The following RUNX1 variants were observed in gnomAD, a reference collection of about 807,000 sequenced individuals.
RUNX1 encodes the protein RUNX family transcription factor 1.
Under a neutral mutation model 42.8 loss-of-function variants are expected in RUNX1, and 19 were observed. The observed-to-expected ratio is 0.44, with a 90% CI of 0.31 to 0.65. The LOEUF is 0.65. Ranked by LOEUF, RUNX1 falls within the 30% of genes least tolerant of loss-of-function variation. The probability of loss-of-function intolerance (pLI) is 0.07; values close to 1 mark genes in which losing one functional copy is unlikely to be tolerated. For synonymous variants in RUNX1, 271 were observed against 289.4 expected (o/e 0.94, Z 0.64); for missense variants, 528 against 672.0 (o/e 0.79, Z 2.37).
chr21:35,028,340 A>AG (rs2059251151), intron 2 of RUNX1, among the ~76,000 whole-genome samples: 1 of 152,208 alleles, frequency 6.6e-6, no homozygotes, highest in Admixed American at 6.5e-5. Context: ...CCTGGTCTGC[A>AG]GGTTTAAGTT....
intron 2 of RUNX1, among the ~76,000 whole-genome samples, chr21:34,952,768 C>T (rs2058618067): frequency 6.6e-6 from 1 of 152,158 alleles, no homozygotes; most frequent in Admixed American, 6.5e-5. Flanking sequence ...GTCATAATTA[C>T]TGTTTGCTGG....
At chr21:34,797,692 C>G (rs562757019) in intron 8 of RUNX1, among the ~76,000 whole-genome samples, 1 of 152,332 alleles carries the variant, frequency 6.6e-6, no homozygotes, top group Admixed American at 6.5e-5. Context: ...GTGCTACTCT[C>G]AATGCCTTGG....
At chr21:34,967,093 A>G (rs1186005605) in intron 2 of RUNX1, among the ~76,000 whole-genome samples, 1 of 151,840 alleles carries the variant, frequency 6.6e-6, no homozygotes, top group Non-Finnish European at 1.5e-5. Context: ...GGCCAAGGCG[A>G]GTGGATCATG....
At chr21:34,888,887 C>G (rs1306577681) in intron 3 of RUNX1, among the ~76,000 whole-genome samples, 4 of 151,736 alleles carry the variant, frequency 2.6e-5, no homozygotes, top group Non-Finnish European at 4.4e-5. Flanking sequence ...CTACTGTACG[C>G]AGCCCGGGCG....
chr21:34,981,861 T>G (rs1197070775), intron 2 of RUNX1, among the ~76,000 whole-genome samples: 1 of 152,186 alleles, frequency 6.6e-6, no homozygotes, highest in Non-Finnish European at 1.5e-5. Context: ...GACCGGTCTT[T>G]CTGTATCTGT....
intron 2 of RUNX1, among the ~76,000 whole-genome samples, chr21:35,023,444 C>CT (rs1245458795): frequency 2.6e-5 from 4 of 152,342 alleles, no homozygotes; most frequent in Admixed American, 1.3e-4. Flanking sequence ...CTGTCACTCT[C>CT]TCCCTGTCCC....
chr21:34,890,812 C>T (rs1013674293), intron 3 of RUNX1, among the ~76,000 whole-genome samples: 4 of 151,248 alleles, frequency 2.6e-5, no homozygotes, highest in Admixed American at 2.0e-4. Flanking sequence ...GCAGGGGCCG[C>T]AGCGCCTTTG....
chr21:34,888,488 G>C, intron 3 of RUNX1: 1 of 1,066,288 alleles, frequency 9.4e-7, no homozygotes, highest in Non-Finnish European at 1.1e-6. Context: ...TAATTCAAAA[G>C]GAAGAAAGGG....
intron 6 of RUNX1, among the ~76,000 whole-genome samples, chr21:34,840,392 C>A (rs1359257693): frequency 6.6e-6 from 1 of 152,186 alleles, no homozygotes; most frequent in African/African-American, 2.4e-5. Context: ...TTCTACCAAC[C>A]TTTGCTGTGG....
intron 2 of RUNX1, among the ~76,000 whole-genome samples, chr21:35,011,221 A>C (rs543169501): frequency 9.0e-4 from 137 of 152,324 alleles, no homozygotes; most frequent in Non-Finnish European, 1.8e-3. Flanking sequence ...TTCTTGGGAC[A>C]AACAGGGAAA....
At chr21:34,876,161 C>A (rs1054932848) in intron 5 of RUNX1, among the ~76,000 whole-genome samples, 1 of 152,206 alleles carries the variant, frequency 6.6e-6, no homozygotes. Context: ...GGACACAGTA[C>A]GAGGGAAGCG....
At chr21:34,912,734 C>T (rs913633292) in intron 2 of RUNX1, among the ~76,000 whole-genome samples, 4 of 152,154 alleles carry the variant, frequency 2.6e-5, no homozygotes, top group East Asian at 3.8e-4. Context: ...CCTGAAACTC[C>T]GGATCAGTCA....
intron 2 of RUNX1, among the ~76,000 whole-genome samples, chr21:35,013,906 AG>A (rs1357805541): frequency 3.9e-5 from 6 of 152,260 alleles, no homozygotes; most frequent in Admixed American, 6.5e-5. Context: ...ATATTTTAGA[AG>A]AATTTTTAAT....
intron 2 of RUNX1, among the ~76,000 whole-genome samples, chr21:34,913,093 G>C (rs1413801349): frequency 1.3e-5 from 2 of 152,128 alleles, no homozygotes; most frequent in Non-Finnish European, 2.9e-5. Context: ...TTAGCTGGGG[G>C]TGGTGGTGGG....
chr21:34,839,818 T>C (rs1760930511), intron 6 of RUNX1, among the ~76,000 whole-genome samples: 3 of 152,164 alleles, frequency 2.0e-5, no homozygotes, highest in Admixed American at 6.5e-5. Context: ...TACTCAAGCT[T>C]CCAATGTGCA....
At chr21:34,983,703 A>G (rs549363730) in intron 2 of RUNX1, among the ~76,000 whole-genome samples, 51 of 152,226 alleles carry the variant, frequency 3.4e-4, no homozygotes, top group Non-Finnish European at 6.6e-4. Flanking sequence ...TGCAATAGCT[A>G]TAACTCTTTG....
At chr21:34,967,190 G>C (rs2058725467) in intron 2 of RUNX1, among the ~76,000 whole-genome samples, 1 of 151,094 alleles carries the variant, frequency 6.6e-6, no homozygotes, top group South Asian at 2.1e-4. Context: ...CATGGTGGCA[G>C]GCGCCTGTAA....
chr21:35,014,390 C>A (rs1484839698), intron 2 of RUNX1, among the ~76,000 whole-genome samples: 1 of 152,158 alleles, frequency 6.6e-6, no homozygotes, highest in Non-Finnish European at 1.5e-5. Flanking sequence ...CATAGACACA[C>A]TTGATTAGGA....
chr21:34,968,559 C>A (rs2834703), intron 2 of RUNX1, among the ~76,000 whole-genome samples: 2 of 151,846 alleles, frequency 1.3e-5, no homozygotes, highest in Non-Finnish European at 2.9e-5. Context: ...AGACTAAGAC[C>A]CTCTAGAATG....
Sources: gnomAD v4.1 joint callset for allele counts (sites outside exome capture counted in the v4.1 genomes callset) on GRCh38, gnomAD v4.1.1 for gene constraint, MANE v1.5 for transcripts, NCBI Gene and HGNC (gene_info 2026-07-23, HGNC 2026-07-21) for gene names.